EWSR1: variants seen among roughly 807,000 people sequenced by gnomAD.
EWSR1 encodes EWS RNA binding protein 1.
Under a neutral mutation model 92.1 loss-of-function variants are expected in EWSR1, and 14 were observed. The ratio of observed to expected loss-of-function variants is 0.15; its 90% CI spans 0.10 to 0.24. The LOEUF is 0.24. Ranked by LOEUF, EWSR1 falls within the 10% of genes least tolerant of loss-of-function variation. The pLI is 1.00. For synonymous variants in EWSR1, 303 were observed against 292.9 expected (o/e 1.03, Z -0.35); for missense variants, 637 against 870.9 (o/e 0.73, Z 3.38).
rs2059081417 is a variant in EWSR1 at position 29,275,933 on chromosome 22, T to TTG, written c.226+2071_226+2072dup. On this transcript the variant is annotated intron_variant, in intron 4 of 16. Coordinates refer to ENST00000397938, the MANE Select transcript of EWSR1 (RefSeq NM_005243.4). ...ACTGGTCTTTTGTTTTTTTGTTTTT[T>TTG]TGTTTTTTTTTTGGTCATTAAATCA... 3.0e-5 allele frequency: 6 copies of TTG among 199,786 alleles called. No individual in the cohort carries two copies. The Admixed American group carries it at 4.6e-4, about 15-fold the overall frequency. The allele number at this position is 199,786 out of a possible 1,614,324, so 12.4% of individuals were successfully genotyped here.
At chr22:29,287,958 C>G (rs2060173377) in intron 7 of EWSR1, among the ~76,000 whole-genome samples, 1 of 152,100 alleles carries the variant, frequency 6.6e-6, no homozygotes, top group South Asian at 2.1e-4. Context: ...AGGAGGATCA[C>G]TTGAGACCAG....
intron 4 of EWSR1, chr22:29,276,010 A>G (rs539101153): frequency 3.9e-5 from 9 of 230,410 alleles, no homozygotes; most frequent in African/African-American, 2.0e-4. Flanking sequence ...TGTGGGTACT[A>G]CAGATTAATT....
At chr22:29,298,507 CAAAAAA>C (rs35896020) in intron 13 of EWSR1, among the ~76,000 whole-genome samples, 4 of 107,228 alleles carry the variant, frequency 3.7e-5, no homozygotes, top group African/African-American at 6.6e-5. Context: ...ACTCCGTCTC[CAAAAAA>C]AAAAAAAAAA....
chr22:29,285,597 A>G (rs1332692568), intron 6 of EWSR1, among the ~76,000 whole-genome samples: 1 of 151,410 alleles, frequency 6.6e-6, no homozygotes, highest in Admixed American at 6.5e-5. Context: ...TGAAAGTAGC[A>G]AAGACAAATC....
chr22:29,286,843 G>A, intron 6 of EWSR1, 80 bp from the exon 7 acceptor site: 1 of 1,056,012 alleles, frequency 9.5e-7, no homozygotes, highest in Non-Finnish European at 1.4e-6. Context: ...TGGTGTGAAT[G>A]TCTCTTTTAT....
Position 29,298,806 on chromosome 22 carries a change from C to T in EWSR1, c.1491C>T (p.Phe497=). Residue 497 remains phenylalanine (F), a synonymous_variant, in exon 14 of 17, where the codon TTC becomes TTT. Transcript: ENST00000397938. Reference sequence around the variant, plus strand: ...GCCGTGGAGGAGATAGAGGAGGCTTCCCTCCAAGAGGACCCCGGGGTTCCC... The same window carrying T: ...GCCGTGGAGGAGATAGAGGAGGCTTTCCTCCAAGAGGACCCCGGGGTTCCC... ...MGGRGGDRGG[F]PPRGPRGSRG... is the part of the protein sequence containing the mutation. 2 of 1,610,062 alleles carry T rather than the reference C, an allele frequency of 1.2e-6. No homozygotes were observed. The highest frequency in any genetic ancestry group is 1.1e-5 in the South Asian group (1 of 90,664).
At chr22:29,297,663 A>T (rs576890934) in intron 12 of EWSR1, among the ~76,000 whole-genome samples, 164 bp from the exon 13 acceptor site, 9 of 152,250 alleles carry the variant, frequency 5.9e-5, no homozygotes, top group Non-Finnish European at 1.2e-4. Context: ...CAACAGAGTG[A>T]GACTCCCATC....
At chr22:29,271,659 A>G (rs549177586) in intron 1 of EWSR1, among the ~76,000 whole-genome samples, 16 of 152,332 alleles carry the variant, frequency 1.1e-4, no homozygotes, top group Non-Finnish European at 1.9e-4. Flanking sequence ...ACCCTTTAAA[A>G]CACTGGAGTG....
chr22:29,300,282 G>GTACTT lies in EWSR1; in HGVS notation c.*124_*128dup, dbSNP rs1237917038. 6.3e-6 allele frequency: 6 copies of GTACTT among 948,538 alleles called. No individual in the cohort carries two copies. The highest frequency in any genetic ancestry group is 2.8e-5 in the East Asian group (1 of 36,124). 58.8% of individuals were successfully genotyped at this position (948,538 alleles called of 1,614,324 possible). A position where few individuals can be genotyped will look rare whatever the true frequency, so the allele number is the denominator to read the frequency against. On this transcript the variant is annotated 3_prime_UTR_variant, in exon 17 of 17. Transcript: ENST00000397938. ...ACAACATTATGATTATTCCTTGTCT[G>GTACTT]TACTTTAGTATTTTTCACCATTTGT...
intron 11 of EWSR1, 196 bp from the exon 12 acceptor site, chr22:29,296,043 A>C: frequency 3.6e-6 from 2 of 555,730 alleles, no homozygotes; most frequent in South Asian, 4.2e-5. Context: ...ACTTTGGTCT[A>C]CTTTGGTTTT....
At chr22:29,293,802 T>C (rs1169969081) in intron 11 of EWSR1, among the ~76,000 whole-genome samples, 1 of 152,168 alleles carries the variant, frequency 6.6e-6, no homozygotes, top group Non-Finnish European at 1.5e-5. Context: ...ACTCCTGACC[T>C]CAGGTGATCT....
At chr22:29,269,130 A>C (rs1044644322) in intron 1 of EWSR1, 1 of 152,230 alleles carries the variant, frequency 6.6e-6, no homozygotes, top group South Asian at 2.1e-4. Flanking sequence ...TCCGTTGTAT[A>C]ATAAGGCCAG....
At position 29,298,832 on chromosome 22, in the gene EWSR1, G is replaced by A. The variant is rs751624817; in HGVS notation, c.1517G>A (p.Arg506Gln). 14 of 1,595,508 alleles carry A rather than the reference G, an allele frequency of 8.8e-6. No individual in the cohort carries two copies. Among genetic ancestry groups the A allele is most frequent in the Non-Finnish European group, 1.2e-5 (14 of 1,174,486 alleles). The change falls in exon 14 of 17, where the codon CGA (arginine) becomes CAA (glutamine). Residue 506 changes from arginine to glutamine, a missense_variant. Coordinates refer to ENST00000397938, the MANE Select transcript of EWSR1 (RefSeq NM_005243.4). ...GFPPRGPRGSRGNPSGGGNVQ... is the reference protein window; with the variant it reads ...GFPPRGPRGSQGNPSGGGNVQ... The stretch of plus-strand genomic sequence containing the variant: ...CCTCCAAGAGGACCCCGGGGTTCCC[G>A]AGGGAACCCCTCTGGAGGAGGAAAC...
intron 6 of EWSR1, among the ~76,000 whole-genome samples, chr22:29,282,854 C>CTGGGT (rs2059718414): frequency 6.6e-6 from 1 of 151,766 alleles, no homozygotes; most frequent in Non-Finnish European, 1.5e-5. Flanking sequence ...GCTCCACCTC[C>CTGGGT]TGGGTTCACG....
chr22:29,290,605 C>A (rs1157134737), intron 8 of EWSR1: 8 of 1,492,912 alleles, frequency 5.4e-6, no homozygotes, highest in African/African-American at 1.4e-5. Flanking sequence ...TAACTGCATA[C>A]TTGTTGTTTG....
At chr22:29,279,479 G>T (rs1339479212) in intron 5 of EWSR1, among the ~76,000 whole-genome samples, 3 of 152,152 alleles carry the variant, frequency 2.0e-5, no homozygotes, top group Non-Finnish European at 2.9e-5. Context: ...CCTGCTATAG[G>T]ATGAGCAGAG....
intron 4 of EWSR1, chr22:29,277,448 CAT>C (rs2059209531): frequency 8.9e-6 from 2 of 224,272 alleles, no homozygotes; most frequent in Non-Finnish European, 1.8e-5. Context: ...TTTTATTAAT[CAT>C]GTGCTCAAGT....
chr22:29,273,880 G>T lies in EWSR1; in HGVS notation c.226+16G>T. 6.2e-7 allele frequency: 1 copy of T among 1,612,970 alleles called. No homozygotes were observed. Among genetic ancestry groups the T allele is most frequent in the South Asian group, 1.1e-5 (1 of 90,786 alleles). ...CCTCCCACTGGTAAGGCCTGCCTTG[G>T]AGAGATTTTTGGGTCGTTCTGGCTA... On this transcript the variant is annotated intron_variant, in intron 4 of 16. Coordinates refer to ENST00000397938, the MANE Select transcript of EWSR1 (RefSeq NM_005243.4).
At chr22:29,290,176 C>T (rs918878731) in intron 8 of EWSR1, 4 of 405,810 alleles carry the variant, frequency 9.9e-6, no homozygotes, top group Non-Finnish European at 1.8e-5. Flanking sequence ...ATGGCTTTCC[C>T]CATAGGTTTT....
Sources: gnomAD v4.1 joint callset for allele counts (sites outside exome capture counted in the v4.1 genomes callset) on GRCh38, gnomAD v4.1.1 for gene constraint, MANE v1.5 for transcripts, NCBI Gene and HGNC (gene_info 2026-07-23, HGNC 2026-07-21) for gene names.